CACNA1E: variants seen among roughly 807,000 people sequenced by gnomAD.
The protein encoded by CACNA1E is calcium voltage-gated channel subunit alpha1 E.
Under a neutral mutation model 259.2 loss-of-function variants are expected in CACNA1E, and 40 were observed. That is an observed-to-expected ratio of 0.15 (90% confidence interval 0.12 to 0.20). The LOEUF is 0.20. Ranked by LOEUF, CACNA1E falls within the 10% of genes least tolerant of loss-of-function variation. The pLI is 1.00. For synonymous variants in CACNA1E, 1,104 were observed against 1,138.5 expected (o/e 0.97, Z 0.61); for missense variants, 1,874 against 3,040.1 (o/e 0.62, Z 9.02).
chr1:181,711,230 C>A (rs1653330012), intron 8 of CACNA1E, among the ~76,000 whole-genome samples, 161 bp downstream of exon 8: 1 of 152,244 alleles, frequency 6.6e-6, no homozygotes, highest in South Asian at 2.1e-4. Context: ...ATCCGACTTT[C>A]TTCCTCTGGG....
rs531752802 is a variant in CACNA1E at position 181,732,909 on chromosome 1, T to C, written c.2823T>C (p.Ser941=). The change falls in exon 20 of 48, where the codon TCT becomes TCC. Residue 941 remains serine, a synonymous_variant. Coordinates refer to ENST00000367573, the MANE Select transcript of CACNA1E (RefSeq NM_001205293.3). The surrounding 1 kb of genome is among the most constrained non-coding windows in gnomAD (Gnocchi z 5.5). ...CCTCTTCAGCCTCCCGGAGCAGGTC[T>C]GCCAGCCAGGAACGCAGTCTGGATG... ...KESSSASRSR[S]ASQERSLDEA... 6.2e-7 allele frequency: 1 copy of C among 1,613,880 alleles called. No individual in the cohort carries two copies. The highest frequency in any genetic ancestry group is 1.1e-5 in the South Asian group (1 of 91,082).
chr1:181,753,116 G>C (rs1222756405), intron 27 of CACNA1E, among the ~76,000 whole-genome samples: 1 of 152,194 alleles, frequency 6.6e-6, no homozygotes, highest in Admixed American at 6.5e-5. Context: ...TGCTGCTCAG[G>C]CCACATAGCC....
intron 1 of CACNA1E, among the ~76,000 whole-genome samples, chr1:181,393,909 A>G (rs543776171): frequency 6.6e-6 from 1 of 152,342 alleles, no homozygotes; most frequent in East Asian, 1.9e-4. Context: ...TGTGCTTTTG[A>G]AGAGCAGCTC....
intron 18 of CACNA1E, among the ~76,000 whole-genome samples, chr1:181,728,578 G>C (rs1655137362): frequency 6.6e-6 from 1 of 152,182 alleles, no homozygotes. Context: ...AAAGACGTGT[G>C]CACCCTGCTC....
chr1:181,648,521 C>T (rs957307781), intron 6 of CACNA1E, among the ~76,000 whole-genome samples: 5 of 152,122 alleles, frequency 3.3e-5, no homozygotes, highest in African/African-American at 1.2e-4. Context: ...GTGGAATAAA[C>T]AAGGTAAATA....
Position 181,651,450 on chromosome 1 carries a change from G to A in CACNA1E, c.1055+9G>A, listed in dbSNP as rs370260416. On this transcript the variant is annotated intron_variant, in intron 7 of 47. Coordinates refer to ENST00000367573, the MANE Select transcript of CACNA1E (RefSeq NM_001205293.3). Reference sequence around the variant, plus strand: ...CTGGGAGTGCTTTCCGGGTGAGCCAGATGTTTCTCTCTTCTTAACTCATTT... The same window carrying A: ...CTGGGAGTGCTTTCCGGGTGAGCCAAATGTTTCTCTCTTCTTAACTCATTT... 3.8e-6 allele frequency: 6 copies of A among 1,590,148 alleles called. No individual in the cohort carries two copies. Among genetic ancestry groups the A allele is most frequent in the Non-Finnish European group, 5.2e-6 (6 of 1,158,506 alleles).
At chr1:181,541,512 C>T (rs1403089162) in intron 3 of CACNA1E, among the ~76,000 whole-genome samples, 1 of 151,822 alleles carries the variant, frequency 6.6e-6, no homozygotes, top group African/African-American at 2.4e-5. Context: ...AGCAGCAAAA[C>T]AGAAGTAAAT....
At chr1:181,467,406 G>A (rs1662216444) in intron 2 of CACNA1E, among the ~76,000 whole-genome samples, 2 of 152,192 alleles carry the variant, frequency 1.3e-5, no homozygotes, top group South Asian at 4.1e-4. Context: ...GCTGATTTGA[G>A]GGGGAAACAT....
rs555799068 is a variant in CACNA1E, at chr1:181,440,549, G to T, written c.434+26969G>T. ...ATTGGTCTGTGTTTGAACCTGCAGG[G>T]TAGGCAGAGGCAGAAAGGGTTGATG... On this transcript the variant is annotated intron_variant, in intron 2 of 11. Coordinates refer to the CACNA1E transcript ENST00000524607. Among the ~76,000 whole-genome samples, 23 of 152,216 alleles carry T rather than the reference G, an allele frequency of 1.5e-4. No homozygotes were observed. The South Asian group carries it at 4.1e-3, about 27-fold the overall frequency.
chr1:181,389,346 AAGG>A (rs1656087391), intron 1 of CACNA1E, among the ~76,000 whole-genome samples: 1 of 152,240 alleles, frequency 6.6e-6, no homozygotes, highest in Non-Finnish European at 1.5e-5. Context: ...GAGCTGAAAC[AAGG>A]AGACTTCGTG....
At chr1:181,723,187 C>G (rs888682965) in intron 16 of CACNA1E, among the ~76,000 whole-genome samples, 2 of 152,182 alleles carry the variant, frequency 1.3e-5, no homozygotes, top group African/African-American at 4.8e-5. Flanking sequence ...TTGGGAGATG[C>G]TCAGTAACAG....
intron 1 of CACNA1E, among the ~76,000 whole-genome samples, chr1:181,506,088 G>T (rs1364878139): frequency 6.6e-6 from 1 of 152,216 alleles, no homozygotes; most frequent in Non-Finnish European, 1.5e-5. Flanking sequence ...GAGTGTCACT[G>T]AATTCTAGAA....
At position 181,551,189 on chromosome 1, in the gene CACNA1E, C is replaced by T. The variant is rs115572705; in HGVS notation, c.513-26577C>T. 3.4e-3 allele frequency among the ~76,000 whole-genome samples: 525 copies of T among 152,272 alleles called. 2 individuals carry two copies. The highest frequency in any genetic ancestry group is 4.7e-3 in the Non-Finnish European group (318 of 68,014). On this transcript the variant is annotated intron_variant, in intron 3 of 47. Coordinates refer to ENST00000367573, the MANE Select transcript of CACNA1E (RefSeq NM_001205293.3). ...GCTGTGTCTCCAGGTGGTGTCAGGG[C>T]ATCCTGTTGGGGAAGGACAAGGTAA...
chr1:181,329,357 T>A (rs1453173140), intron 1 of CACNA1E, among the ~76,000 whole-genome samples: 1 of 152,170 alleles, frequency 6.6e-6, no homozygotes, highest in East Asian at 1.9e-4. Flanking sequence ...GAAGCCTGCA[T>A]GATCTTGAAG....
At chr1:181,374,462 GAA>G (rs5779098) in intron 1 of CACNA1E, among the ~76,000 whole-genome samples, 4 of 149,416 alleles carry the variant, frequency 2.7e-5, no homozygotes, top group African/African-American at 7.4e-5. Flanking sequence ...TATCCCAAAA[GAA>G]AAAAAAAATT....
At chr1:181,441,500 G>T (rs1660472592) in intron 2 of CACNA1E, among the ~76,000 whole-genome samples, 1 of 147,430 alleles carries the variant, frequency 6.8e-6, no homozygotes, top group South Asian at 2.3e-4. Context: ...CTACTGGAAG[G>T]CTGCTATAGG....
chr1:181,766,398 C>G (rs554423537), intron 34 of CACNA1E, 148 bp from the exon 35 acceptor site: 2 of 646,236 alleles, frequency 3.1e-6, no homozygotes, highest in South Asian at 3.8e-5. Flanking sequence ...TACTACACCT[C>G]AAAACAGAAC....
intron 6 of CACNA1E, among the ~76,000 whole-genome samples, chr1:181,595,011 A>T (rs1421330780): frequency 1.3e-5 from 2 of 152,248 alleles, no homozygotes; most frequent in Non-Finnish European, 1.5e-5. Flanking sequence ...TGACAGATAC[A>T]GTCAATGGTA....
chr1:181,357,916 C>T (rs918004404), intron 1 of CACNA1E, among the ~76,000 whole-genome samples: 5 of 152,134 alleles, frequency 3.3e-5, no homozygotes, highest in African/African-American at 9.7e-5. Context: ...CTCTGCTGCT[C>T]ATTCGTGGTG....
Sources: allele counts gnomAD v4.1 joint callset (sites outside exome capture counted in the v4.1 genomes callset), GRCh38; gene constraint gnomAD v4.1.1; non-coding constraint Gnocchi (gnomAD v3.1); transcripts MANE v1.5; gene names NCBI Gene and HGNC (gene_info 2026-07-23, HGNC 2026-07-21).